ATP6V1G3: variants seen among roughly 807,000 people sequenced by gnomAD.
ATP6V1G3 encodes ATPase H+ transporting V1 subunit G3.
ATP6V1G3 carries 9 observed loss-of-function variants against 9.3 expected under a neutral mutation model. The observed-to-expected ratio is 0.97, with a 90% CI of 0.59 to 1.69. ATP6V1G3 has a LOEUF of 1.69. Ranked by LOEUF, ATP6V1G3 falls within the 40% of genes most tolerant of loss-of-function variation. The probability of loss-of-function intolerance (pLI) is 0.00; values close to 1 mark genes in which losing one functional copy is unlikely to be tolerated. For synonymous variants in ATP6V1G3, 43 were observed against 43.8 expected, an observed-to-expected ratio of 0.98 and a Z score of 0.07; for missense variants, 133 against 139.0, an observed-to-expected ratio of 0.96 and a Z score of 0.22.
chr1:198,525,069 C>A (rs901127848), intron 2 of ATP6V1G3, among the ~76,000 whole-genome samples: 29 of 152,258 alleles, frequency 1.9e-4, no homozygotes, highest in African/African-American at 7.0e-4. Context: ...TCTAAGACAT[C>A]AAATAACTTT....
At chr1:198,523,886 A>ATTT (rs1477975094) in intron 2 of ATP6V1G3, among the ~76,000 whole-genome samples, 8 of 152,150 alleles carry the variant, frequency 5.3e-5, no homozygotes, top group Non-Finnish European at 1.2e-4. Flanking sequence ...GACAGTTTCC[A>ATTT]TTTAGTTCCC....
intron 2 of ATP6V1G3, among the ~76,000 whole-genome samples, chr1:198,527,533 A>C (rs1431993129): frequency 6.6e-6 from 1 of 152,184 alleles, no homozygotes; most frequent in Non-Finnish European, 1.5e-5. Context: ...TATATCAGAA[A>C]TATCCTATAT....
At chr1:198,540,711 C>A, upstream of ATP6V1G3, 1 of 1,469,862 alleles carries the variant, frequency 6.8e-7, no homozygotes, top group Non-Finnish European at 9.5e-7. Flanking sequence ...TTCATTTATT[C>A]TTTTAGAAAT....
intron 1 of ATP6V1G3, among the ~76,000 whole-genome samples, chr1:198,539,547 AT>A (rs1173098861): frequency 6.6e-6 from 1 of 151,990 alleles, no homozygotes; most frequent in African/African-American, 2.4e-5. Context: ...AGACATATTA[AT>A]TTTTTTATTA....
chr1:198,539,061 T>C (rs1174895063), intron 1 of ATP6V1G3, among the ~76,000 whole-genome samples: 2 of 152,168 alleles, frequency 1.3e-5, no homozygotes. Flanking sequence ...GAAAAAGAAA[T>C]TGAGAAATAG....
At chr1:198,539,077 G>A (rs1660244455) in intron 1 of ATP6V1G3, among the ~76,000 whole-genome samples, 1 of 152,086 alleles carries the variant, frequency 6.6e-6, no homozygotes, top group African/African-American at 2.4e-5. Context: ...AATAGGTAAA[G>A]TTTGCCTTCA....
intron 1 of ATP6V1G3, among the ~76,000 whole-genome samples, chr1:198,538,904 A>AAAAAAAAAAG (rs974518506): frequency 4.6e-5 from 7 of 151,728 alleles, no homozygotes; most frequent in East Asian, 1.9e-4. Context: ...AAAAAAAAAA[A>AAAAAAAAAAG]AAGAAGAAGA....
At chr1:198,536,575 G>C in intron 1 of ATP6V1G3, 2 of 945,768 alleles carry the variant, frequency 2.1e-6, no homozygotes, top group South Asian at 2.1e-5. Context: ...AACCAAAATA[G>C]TAAGGCAGTT....
At chr1:198,524,898 G>A (rs1035980389) in intron 2 of ATP6V1G3, among the ~76,000 whole-genome samples, 2 of 152,136 alleles carry the variant, frequency 1.3e-5, no homozygotes, top group African/African-American at 4.8e-5. Context: ...CTACTTCAGG[G>A]TTGTTAGACT....
intron 1 of ATP6V1G3, among the ~76,000 whole-genome samples, chr1:198,532,294 G>A (rs1193843559): frequency 1.3e-5 from 2 of 152,288 alleles, no homozygotes; most frequent in South Asian, 2.1e-4. Context: ...AAAGAAGGAG[G>A]AAGGTTGGAA....
At chr1:198,536,171 A>T (rs1660104709) in intron 1 of ATP6V1G3, among the ~76,000 whole-genome samples, 1 of 152,110 alleles carries the variant, frequency 6.6e-6, no homozygotes, top group African/African-American at 2.4e-5. Flanking sequence ...TCTTTATGTG[A>T]TGTTGAATTG....
chr1:198,524,702 G>A (rs1169103151), intron 2 of ATP6V1G3, among the ~76,000 whole-genome samples: 1 of 152,134 alleles, frequency 6.6e-6, no homozygotes, highest in Non-Finnish European at 1.5e-5. Context: ...CACTTTGAAA[G>A]TTAGCCTTTA....
intron 1 of ATP6V1G3, among the ~76,000 whole-genome samples, chr1:198,531,625 C>T (rs781443403): frequency 2.0e-5 from 3 of 152,116 alleles, no homozygotes; most frequent in Non-Finnish European, 2.9e-5. Flanking sequence ...TCCCCAGATG[C>T]GATAAGTTCT....
intron 2 of ATP6V1G3, among the ~76,000 whole-genome samples, chr1:198,524,818 T>C (rs910427451): frequency 1.3e-5 from 2 of 152,216 alleles, no homozygotes; most frequent in African/African-American, 4.8e-5. Context: ...TGTTTGCTTT[T>C]TCCGTCTGAG....
chr1:198,523,870 A>G (rs537506865), intron 2 of ATP6V1G3, among the ~76,000 whole-genome samples: 1 of 152,280 alleles, frequency 6.6e-6, no homozygotes, highest in African/African-American at 2.4e-5. Flanking sequence ...TTTTTCATGT[A>G]TTTATGACAG....
rs1405594619 is a variant in ATP6V1G3 at position 198,529,075 on chromosome 1, A to G, written c.183+6T>C. Reference sequence around the variant, plus strand: ...CATAAGAAACAGTGCTGACTTTCTTACTCACCTTAGATTGTTTTAGTCGAA... The same window carrying G: ...CATAAGAAACAGTGCTGACTTTCTTGCTCACCTTAGATTGTTTTAGTCGAA... On this transcript the variant is annotated splice_donor_region_variant and intron_variant, in intron 2 of 2. Transcript: ENST00000367382. 5 of 1,402,682 alleles carry G rather than the reference A, an allele frequency of 3.6e-6. No individual in the cohort carries two copies. Among genetic ancestry groups the G allele is most frequent in the Non-Finnish European group, 4.9e-6 (5 of 1,011,844 alleles). 86.9% of individuals were successfully genotyped at this position (1,402,682 alleles called of 1,614,324 possible).
At chr1:198,523,976 G>GT (rs1324687552) in intron 2 of ATP6V1G3, among the ~76,000 whole-genome samples, 1 of 152,016 alleles carries the variant, frequency 6.6e-6, no homozygotes, top group African/African-American at 2.4e-5. Flanking sequence ...CACTTTTGCT[G>GT]TTTTTTAAAG....
At chr1:198,535,567 A>G (rs1660077864) in intron 1 of ATP6V1G3, among the ~76,000 whole-genome samples, 1 of 152,084 alleles carries the variant, frequency 6.6e-6, no homozygotes, top group East Asian at 1.9e-4. Flanking sequence ...CATGCTTAAG[A>G]AATCTCCAGG....
At chr1:198,539,597 A>C (rs906984184) in intron 1 of ATP6V1G3, among the ~76,000 whole-genome samples, 4 of 152,174 alleles carry the variant, frequency 2.6e-5, no homozygotes, top group African/African-American at 9.7e-5. Context: ...AGTGGTTAAG[A>C]TCTGGGCTTG....
Sources: gnomAD v4.1 joint callset for allele counts (sites outside exome capture counted in the v4.1 genomes callset) on GRCh38, gnomAD v4.1.1 for gene constraint, MANE v1.5 for transcripts, NCBI Gene and HGNC (gene_info 2026-07-23, HGNC 2026-07-21) for gene names.